Variants in ZFHX3 observed in about 807,000 individuals in gnomAD.
ZFHX3 encodes the protein zinc finger homeobox protein 3.
Under a neutral mutation model 279.1 loss-of-function variants are expected in ZFHX3, and 42 were observed. The ratio of observed to expected loss-of-function variants is 0.15; its 90% CI spans 0.12 to 0.19. The LOEUF is 0.19. Ranked by LOEUF, ZFHX3 falls within the 10% of genes least tolerant of loss-of-function variation. ZFHX3 has a pLI of 1.00. For missense variants in ZFHX3, 4,981 were observed against 4,754.0 expected, an observed-to-expected ratio of 1.05 and a Z score of -1.40; for synonymous variants, 2,293 against 1,957.8, an observed-to-expected ratio of 1.17 and a Z score of -4.52.
chr16:73,384,941 G>A lies in ZFHX3; in HGVS notation c.-1290-66605C>T, dbSNP rs552287144. Among the ~76,000 whole-genome samples, 5 of 152,298 alleles carry A rather than the reference G, an allele frequency of 3.3e-5. No homozygotes were observed. The South Asian group carries it at 1.0e-3, about 32-fold the overall frequency. ...CTGATTGGTTCAGGGGTGAACACCT[G>A]ACCCACTGGGTTCCCATGGGACTTT... On this transcript the variant is annotated intron_variant, in intron 3 of 17. Transcript: ENST00000641206.
intron 9 of ZFHX3, chr16:72,789,818 T>G (rs1430355026): frequency 1.3e-5 from 2 of 152,210 alleles, no homozygotes; most frequent in Non-Finnish European, 2.9e-5. Flanking sequence ...CCTGCCCCTG[T>G]TTGAATGATA....
In ZFHX3 at chr16:73,099,778, G is replaced by A. The variant is rs561796007; in HGVS notation, c.-896-6180C>T. 5.3e-5 allele frequency among the ~76,000 whole-genome samples: 8 copies of A among 151,818 alleles called. No homozygotes were observed. In the South Asian group the frequency reaches 1.0e-3, roughly 20 times the overall value. ...TGTCCTGCTCTCAGGAGGAACAGAC[G>A]TGGGGTGGGAAGGGGAAGGAGAAAG... On this transcript the variant is annotated intron_variant, in intron 7 of 17. Transcript: ENST00000641206.
chr16:73,783,987 GA>G (rs1959555830), intron 1 of ZFHX3, among the ~76,000 whole-genome samples: 1 of 152,248 alleles, frequency 6.6e-6, no homozygotes. Context: ...AGAAAACAAG[GA>G]AAGGAGACAG....
intron 1 of ZFHX3, among the ~76,000 whole-genome samples, chr16:73,849,065 T>C (rs1961526320): frequency 1.3e-5 from 2 of 152,236 alleles, no homozygotes; most frequent in African/African-American, 2.4e-5. Context: ...GCTTTATCCA[T>C]GTCCTTTCAA....
intron 2 of ZFHX3, among the ~76,000 whole-genome samples, chr16:73,531,101 G>A (rs1205849764): frequency 1.3e-5 from 2 of 152,148 alleles, no homozygotes; most frequent in East Asian, 3.9e-4. Context: ...CAGTTGCATG[G>A]CTTTTTAGAG....
chr16:73,516,624 C>G (rs186302296), intron 2 of ZFHX3, among the ~76,000 whole-genome samples: 1 of 152,210 alleles, frequency 6.6e-6, no homozygotes, highest in Non-Finnish European at 1.5e-5. Context: ...AGAATTGAAC[C>G]TCAGAACCAA....
chr16:73,262,349 T>C (rs1047809331), intron 4 of ZFHX3, among the ~76,000 whole-genome samples: 11 of 152,188 alleles, frequency 7.2e-5, no homozygotes, highest in Non-Finnish European at 1.5e-4. Flanking sequence ...CACATAAGAA[T>C]TGTGATACTC....
chr16:73,766,593 A>C (rs1873722), intron 1 of ZFHX3, among the ~76,000 whole-genome samples: 34,816 of 152,190 alleles, frequency 0.23, 5,217 homozygotes, highest in East Asian at 0.56. Context: ...ATTCAAGAAG[A>C]GCTGAAGCTC....
chr16:73,091,922 C>T (rs560746612), intron 8 of ZFHX3, among the ~76,000 whole-genome samples: 1 of 152,316 alleles, frequency 6.6e-6, no homozygotes, highest in South Asian at 2.1e-4. Flanking sequence ...TTCAACAGAA[C>T]ATTCAGCACA....
chr16:72,918,530 G>A (rs1412154693), intron 3 of ZFHX3, among the ~76,000 whole-genome samples: 1 of 152,098 alleles, frequency 6.6e-6, no homozygotes, highest in Non-Finnish European at 1.5e-5. Context: ...GTCTCTTCTA[G>A]AAGAGGAACA....
At chr16:73,647,944 C>T (rs2052635506) in intron 2 of ZFHX3, among the ~76,000 whole-genome samples, 1 of 151,976 alleles carries the variant, frequency 6.6e-6, no homozygotes, top group Admixed American at 6.5e-5. Context: ...ACGCTCAATA[C>T]AACTGATGCA....
intron 4 of ZFHX3, among the ~76,000 whole-genome samples, chr16:73,310,859 TG>T (rs771226557): frequency 4.5e-5 from 6 of 133,460 alleles, no homozygotes; most frequent in Non-Finnish European, 8.9e-5. Context: ...TAATATTAAA[TG>T]AAAAAAAAAA....
At chr16:73,056,386 A>C (rs935706291) in intron 1 of ZFHX3, among the ~76,000 whole-genome samples, 3 of 152,044 alleles carry the variant, frequency 2.0e-5, no homozygotes, top group Admixed American at 2.0e-4. Flanking sequence ...GTTAAAAAAA[A>C]AACAACAAAC....
In ZFHX3 at chr16:72,797,477, TTGTTGTTGTTGCTGTTGCTGCTGC is replaced by T. The variant is rs1160741205; in HGVS notation, c.5181_5204del (p.Gln1734_Gln1741del). ...TTTGTGCTTGTTGTTGTTGTTGTTGTTGTTGTTGTTGCTGTTGCTGCTGCTGTTGTTGCTGCTGCCTGGATGCAA... is the reference window on the plus strand; with the variant it reads ...TTTGTGCTTGTTGTTGTTGTTGTTGTTGTTGTTGCTGCTGCCTGGATGCAA... On this transcript the variant is annotated inframe_deletion, in exon 9 of 10. Transcript: ENST00000268489. 1 of 1,612,532 alleles carries T rather than the reference TTGTTGTTGTTGCTGTTGCTGCTGC, an allele frequency of 6.2e-7. No homozygotes were observed. The highest frequency in any genetic ancestry group is 8.5e-7 in the Non-Finnish European group (1 of 1,179,520).
In ZFHX3 at chr16:73,360,585, C is replaced by T. The variant is rs139989710; in HGVS notation, c.-1290-42249G>A. Among the ~76,000 whole-genome samples, 100 of 152,332 alleles carry T rather than the reference C, an allele frequency of 6.6e-4. 1 individual carries two copies. The highest frequency in any genetic ancestry group is 2.3e-3 in the African/African-American group (97 of 41,586). ...AACTGCTGGCCTCAAGTGATCCACC[C>T]ACCTTGGCCTACCAAAGTGCTGGGA... On this transcript the variant is annotated intron_variant, in intron 3 of 17. Coordinates refer to the ZFHX3 transcript ENST00000641206.
At chr16:73,439,190 C>T (rs1414717547) in intron 3 of ZFHX3, among the ~76,000 whole-genome samples, 1 of 152,140 alleles carries the variant, frequency 6.6e-6, no homozygotes, top group Non-Finnish European at 1.5e-5. Flanking sequence ...AGCTGTGTTA[C>T]TTGCTAGAAA....
At position 72,974,746 on chromosome 16, in the gene ZFHX3, T is replaced by C. The variant is rs1464794490; in HGVS notation, c.-49-14552A>G. Among the ~76,000 whole-genome samples the C allele has an allele frequency of 2.0e-5, 3 of 152,276 alleles. No individual in the cohort carries two copies. In the East Asian group the frequency reaches 5.8e-4, roughly 29 times the overall value. The stretch of plus-strand genomic sequence containing the variant: ...TAAGGTAGAGACATTGGTAAAGGCA[T>C]GAAAAGGGGATGCCTACTGCAAAAG... On this transcript the variant is annotated intron_variant, in intron 1 of 9. Coordinates refer to ENST00000268489, the MANE Select transcript of ZFHX3 (RefSeq NM_006885.4).
At chr16:73,412,124 G>C (rs1039620872) in intron 3 of ZFHX3, among the ~76,000 whole-genome samples, 1 of 152,002 alleles carries the variant, frequency 6.6e-6, no homozygotes, top group Non-Finnish European at 1.5e-5. Flanking sequence ...CCAGGAGTTT[G>C]AGACCAGCCT....
At chr16:73,721,779 T>C (rs2053476114) in intron 1 of ZFHX3, among the ~76,000 whole-genome samples, 1 of 152,194 alleles carries the variant, frequency 6.6e-6, no homozygotes, top group Non-Finnish European at 1.5e-5. Flanking sequence ...GCACAATGGC[T>C]CACACTGGTT....
Sources: gnomAD v4.1 joint callset for allele counts (sites outside exome capture counted in the v4.1 genomes callset) on GRCh38, gnomAD v4.1.1 for gene constraint, MANE v1.5 for transcripts, NCBI Gene and HGNC (gene_info 2026-07-23, HGNC 2026-07-21) for gene names.